MYO18A: variants seen among roughly 807,000 people sequenced by gnomAD.
MYO18A encodes the protein unconventional myosin-XVIIIa.
A neutral mutation model predicts 235.8 loss-of-function variants in MYO18A; 78 were observed. That is an observed-to-expected ratio of 0.33 (90% CI 0.28 to 0.40). The LOEUF (loss-of-function observed/expected upper bound fraction) is 0.40, where lower values mean the gene tolerates loss of function less well. MYO18A is among the 10% of genes least tolerant of loss of function. The pLI, the probability that MYO18A is intolerant of heterozygous loss-of-function variation, is 1.00. For missense variants in MYO18A, 2,215 were observed against 2,699.3 expected, an observed-to-expected ratio of 0.82 and a Z score of 3.98; for synonymous variants, 977 against 1,077.8, an observed-to-expected ratio of 0.91 and a Z score of 1.83.
At chr17:29,091,981 C>T (rs546630964) in intron 34 of MYO18A, 18 of 339,182 alleles carry the variant, frequency 5.3e-5, no homozygotes, top group African/African-American at 3.6e-4. Context: ...GAAGCCAAGC[C>T]ATCCTGTCCT....
intron 2 of MYO18A, among the ~76,000 whole-genome samples, chr17:29,142,046 G>A (rs1279260872): frequency 1.3e-5 from 2 of 152,248 alleles, no homozygotes; most frequent in Non-Finnish European, 1.5e-5. Flanking sequence ...CCGGGTTCAC[G>A]CCATTCTCCT....
intron 13 of MYO18A, 42 bp from the exon 14 acceptor site, chr17:29,115,141 C>A: frequency 6.4e-7 from 1 of 1,569,812 alleles, no homozygotes; most frequent in East Asian, 2.3e-5. Flanking sequence ...CTGGTTGGCC[C>A]CGGGCACCAG....
At chr17:29,099,198 T>C (rs2066596875) in intron 22 of MYO18A, among the ~76,000 whole-genome samples, 1 of 152,012 alleles carries the variant, frequency 6.6e-6, no homozygotes, top group African/African-American at 2.4e-5. Context: ...CACTAGCCAC[T>C]CCACTGCCAT....
At chr17:29,147,174 A>C (rs2067865874) in intron 2 of MYO18A, among the ~76,000 whole-genome samples, 1 of 152,220 alleles carries the variant, frequency 6.6e-6, no homozygotes. Context: ...AATGGGAGGC[A>C]CAACAAGCTT....
At chr17:29,123,149 T>C (rs2067240711) in intron 2 of MYO18A, among the ~76,000 whole-genome samples, 1 of 152,180 alleles carries the variant, frequency 6.6e-6, no homozygotes, top group Non-Finnish European at 1.5e-5. Context: ...TGTGGGGCTG[T>C]CAAACCTGGC....
At chr17:29,100,572 C>T (rs559747792) in intron 21 of MYO18A, among the ~76,000 whole-genome samples, 5 of 151,994 alleles carry the variant, frequency 3.3e-5, no homozygotes, top group Admixed American at 6.5e-5. Context: ...AGATAGGGCT[C>T]GGTAAAATTT....
chr17:29,083,513 G>A (rs59083088), intron 40 of MYO18A, among the ~76,000 whole-genome samples: 1 of 63,186 alleles, frequency 1.6e-5, no homozygotes, highest in South Asian at 4.7e-4. Context: ...CAGCCACACA[G>A]GCATGTGTGC....
At chr17:29,164,650 C>T (rs964921365) in intron 2 of MYO18A, among the ~76,000 whole-genome samples, 7 of 152,198 alleles carry the variant, frequency 4.6e-5, no homozygotes, top group South Asian at 2.1e-4. Context: ...CAGATCTGGA[C>T]GGTCCTAAAA....
chr17:29,079,718 G>A lies in MYO18A; in HGVS notation c.6020+2598C>T, dbSNP rs542906741. 3.5e-4 allele frequency: 342 copies of A among 986,022 alleles called. 4 individuals are homozygous for A. In the African/African-American group the frequency reaches 5.4e-3, roughly 16 times the overall value. 61.1% of individuals were successfully genotyped at this position (986,022 alleles called of 1,614,324 possible). A position where few individuals can be genotyped will look rare whatever the true frequency, so the allele number is the denominator to read the frequency against. On this transcript the variant is annotated intron_variant, in intron 41 of 41. Transcript: ENST00000527372. ...ACACCATGCTGAACCCAGGCCAGGT[G>A]CCACCTACTGCACTAGTCGCTCTCG... is the stretch of plus-strand genomic sequence containing the variant.
At chr17:29,093,450 AC>A (rs772002832) in intron 31 of MYO18A, 23 bp from the exon 32 acceptor site, 1 of 1,579,548 alleles carries the variant, frequency 6.3e-7, no homozygotes, top group Non-Finnish European at 8.6e-7. Flanking sequence ...GGGGACAGAG[AC>A]CCGTCCGTCC....
chr17:29,124,581 G>C (rs1241810848), intron 2 of MYO18A: 9 of 1,133,288 alleles, frequency 7.9e-6, no homozygotes, highest in Non-Finnish European at 9.1e-6. Context: ...CGCCAGCCCA[G>C]GTGCAGGCCA....
chr17:29,094,406 A>T lies in MYO18A; in HGVS notation c.4710+244T>A, dbSNP rs534195321. On this transcript the variant is annotated intron_variant, in intron 30 of 41. Coordinates refer to ENST00000527372, the MANE Select transcript of MYO18A (RefSeq NM_078471.4). ...GGTGGGCCTGTGGCCCTCAGCTGCC[A>T]TGCATCCTGAGCCCCTCCCTACTAG... 157 of 606,428 alleles carry T rather than the reference A, an allele frequency of 2.6e-4. No individual in the cohort carries two copies. The African/African-American group carries it at 2.7e-3, about 10-fold the overall frequency. 37.6% of individuals were successfully genotyped at this position (606,428 alleles called of 1,614,324 possible).
intron 1 of MYO18A, among the ~76,000 whole-genome samples, chr17:29,167,492 G>A (rs932974848): frequency 3.9e-5 from 6 of 152,078 alleles, no homozygotes; most frequent in Admixed American, 6.6e-5. Context: ...CAAGAGGATC[G>A]ATTGAGCCCA....
chr17:29,166,244 A>G lies in MYO18A; in HGVS notation c.697T>C (p.Phe233Leu). ...AGCATGGTTGTGCGCCGCAGGGAGAAGCCAAAGTCTCCAGTGGGCCGTCGT... is the reference window on the plus strand; with the variant it reads ...AGCATGGTTGTGCGCCGCAGGGAGAGGCCAAAGTCTCCAGTGGGCCGTCGT... ...LQRRPTGDFG[F>L]SLRRTTMLDR... Residue 233 changes from phenylalanine (F) to leucine (L), a missense_variant, in exon 2 of 42, where the codon TTC becomes CTC. Transcript: ENST00000527372. 1.2e-6 allele frequency: 2 copies of G among 1,613,028 alleles called. No homozygotes were observed. Among genetic ancestry groups the G allele is most frequent in the Non-Finnish European group, 1.7e-6 (2 of 1,179,878 alleles).
Position 29,166,386 on chromosome 17 carries a change from A to C in MYO18A, c.555T>G (p.Pro185=), listed in dbSNP as rs2068285265. 2 of 1,613,614 alleles carry C rather than the reference A, an allele frequency of 1.2e-6. No homozygotes were observed. Among genetic ancestry groups the C allele is most frequent in the Non-Finnish European group, 1.7e-6 (2 of 1,179,862 alleles). ...GGGCTCGGGATCGGTGCCCTGGTCGAGGGATGCCTGGGCCAGGATGCTGCA... is the reference window on the plus strand; with the variant it reads ...GGGCTCGGGATCGGTGCCCTGGTCGCGGGATGCCTGGGCCAGGATGCTGCA... ...QLVQHPGPGI[P]RPGHRSRAPE... The change falls in exon 2 of 42, where the codon CCT becomes CCG. Residue 185 remains proline, a synonymous_variant. Transcript: ENST00000527372.
Position 29,085,465 on chromosome 17 carries a change from C to T in MYO18A, c.5897+139G>A, listed in dbSNP as rs988531688. The T allele has an allele frequency of 2.2e-5, 16 of 738,444 alleles. No individual in the cohort carries two copies. The Middle Eastern group carries it at 1.1e-3, about 50-fold the overall frequency. The allele number at this position is 738,444 out of a possible 1,614,324, so 45.7% of individuals were successfully genotyped here. ...CCCGAGGATAGAGTCAGCATGTTAG[C>T]GTTAGAGACCAGTGAGGCGGGAGTG... is the stretch of plus-strand genomic sequence containing the variant. On this transcript the variant is annotated intron_variant, in intron 40 of 41. Coordinates refer to ENST00000527372, the MANE Select transcript of MYO18A (RefSeq NM_078471.4).
intron 1 of MYO18A, among the ~76,000 whole-genome samples, chr17:29,168,597 C>T (rs939726818): frequency 1.3e-5 from 2 of 152,334 alleles, no homozygotes; most frequent in African/African-American, 4.8e-5. Flanking sequence ...TCCACCCCTA[C>T]AACCAAGCAG....
rs371141684 is a variant in MYO18A, at chr17:29,107,131, C to T, written c.3390G>A (p.Pro1130=). Residue 1130 remains proline, a synonymous_variant, in exon 20 of 42, where the codon CCG becomes CCA. Transcript: ENST00000527372. ...EFRRRFDVLA[P]HLTKKHGRNY... Reference sequence around the variant, plus strand: ...TACGCCCGTGTTTCTTGGTCAGGTGCGGGGCCAGGACATCAAAGCGGCGGC... The same window carrying T: ...TACGCCCGTGTTTCTTGGTCAGGTGTGGGGCCAGGACATCAAAGCGGCGGC... 30 of 1,613,912 alleles carry T rather than the reference C, an allele frequency of 1.9e-5. No individual in the cohort carries two copies. The highest frequency in any genetic ancestry group is 3.3e-4 in the Middle Eastern group (2 of 6,062).
chr17:29,074,542 CAG>C lies in MYO18A; in HGVS notation c.*226_*227del. ...AAGCCAAGAGTCTGGCATTTTGAGA[CAG>C]AGGAGCAAAAAGTTCTCTTCAGAAA... On this transcript the variant is annotated 3_prime_UTR_variant, in exon 42 of 42. Transcript: ENST00000527372. This position sits in a 1 kb window ranked among gnomAD's most constrained non-coding sequence, Gnocchi z 4.4. 1.7e-6 allele frequency: 1 copy of C among 596,986 alleles called. No homozygotes were observed. 37.0% of individuals were successfully genotyped at this position (596,986 alleles called of 1,614,324 possible).
Sources: allele counts gnomAD v4.1 joint callset (sites outside exome capture counted in the v4.1 genomes callset), GRCh38; gene constraint gnomAD v4.1.1; non-coding constraint Gnocchi (gnomAD v3.1); transcripts MANE v1.5; gene names NCBI Gene and HGNC (gene_info 2026-07-23, HGNC 2026-07-21).